The following MYOM1 variants were observed in gnomAD, a reference collection of about 807,000 sequenced individuals.
MYOM1 encodes myomesin-1.
MYOM1 carries 164 observed loss-of-function variants against 205.3 expected under a neutral mutation model. The ratio of observed to expected loss-of-function variants is 0.80; its 90% CI spans 0.70 to 0.91. MYOM1 has a LOEUF of 0.91. MYOM1 is among the 40% of genes least tolerant of loss of function. The pLI, the probability that MYOM1 is intolerant of heterozygous loss-of-function variation, is 0.00. For synonymous variants in MYOM1, 772 were observed against 789.4 expected (o/e 0.98, Z 0.37); for missense variants, 2,011 against 2,127.3 (o/e 0.95, Z 1.08).
intron 22 of MYOM1, among the ~76,000 whole-genome samples, chr18:3,104,745 C>CTTTTTTTTTTT (rs745369627): frequency 1.2e-5 from 1 of 80,586 alleles, no homozygotes. Flanking sequence ...GAATTGGAAT[C>CTTTTTTTTTTT]TTTTTTTTTT....
At chr18:3,150,091 G>A (rs2080195578) in intron 12 of MYOM1, among the ~76,000 whole-genome samples, 1 of 152,032 alleles carries the variant, frequency 6.6e-6, no homozygotes, top group South Asian at 2.1e-4. Context: ...ATGGAGTCTC[G>A]CTCTGTCGCC....
In MYOM1 at chr18:3,083,158, G is replaced by A. The variant is rs1245884434; in HGVS notation, c.4484+631C>T. On this transcript the variant is annotated intron_variant, in intron 33 of 37. Coordinates refer to ENST00000356443, the MANE Select transcript of MYOM1 (RefSeq NM_003803.4). The stretch of plus-strand genomic sequence containing the variant: ...GAGGTGGAGGCTGCATTATAGAGAT[G>A]TCTATGAATTATGGTACTTCTTAAA... Among the ~76,000 whole-genome samples the A allele has an allele frequency of 2.0e-5, 3 of 152,168 alleles. No individual in the cohort carries two copies. The East Asian group carries it at 5.8e-4, about 29-fold the overall frequency.
intron 5 of MYOM1, among the ~76,000 whole-genome samples, chr18:3,182,955 C>T (rs1348985965): frequency 2.0e-5 from 2 of 100,916 alleles, no homozygotes; most frequent in Non-Finnish European, 3.7e-5. Flanking sequence ...GACAGAGTTT[C>T]GCTCTTGTTG....
intron 19 of MYOM1, among the ~76,000 whole-genome samples, chr18:3,126,323 CTT>C (rs139040855): frequency 7.4e-6 from 1 of 135,744 alleles, no homozygotes; most frequent in African/African-American, 2.7e-5. Flanking sequence ...TCCTGGGAAT[CTT>C]TTTTTTTTTT....
At chr18:3,176,278 C>A (rs1409895718) in intron 5 of MYOM1, 144 bp from the exon 6 acceptor site, 5 of 580,694 alleles carry the variant, frequency 8.6e-6, no homozygotes, top group African/African-American at 3.7e-5. Context: ...AAATGTAAAT[C>A]ATATTGGCTT....
intron 33 of MYOM1, among the ~76,000 whole-genome samples, chr18:3,081,934 C>A (rs2079090141): frequency 2.0e-5 from 3 of 152,196 alleles, no homozygotes; most frequent in African/African-American, 7.2e-5. Flanking sequence ...CCCAGTGGTC[C>A]CCAACCTTTT....
intron 18 of MYOM1, among the ~76,000 whole-genome samples, chr18:3,127,339 G>A (rs1207206795): frequency 8.0e-5 from 7 of 87,980 alleles, no homozygotes; most frequent in African/African-American, 1.7e-4. Context: ...CTGGGGTTTT[G>A]CTCTTGTCAC....
rs1390518148 is a variant in MYOM1, at chr18:3,135,148, C to T, written c.2210-324G>A. 1.9e-5 allele frequency: 6 copies of T among 317,220 alleles called. No homozygotes were observed. The highest frequency in any genetic ancestry group is 3.4e-5 in the South Asian group (1 of 29,156). 19.7% of individuals were successfully genotyped at this position (317,220 alleles called of 1,614,324 possible). A position where few individuals can be genotyped will look rare whatever the true frequency, so the allele number is the denominator to read the frequency against. On this transcript the variant is annotated intron_variant, in intron 15 of 37. Transcript: ENST00000356443. The surrounding 1 kb of genome is among the most constrained non-coding windows in gnomAD (Gnocchi z 4.1). ...TGTTTTCAGTAGAGATGGGGTTTCA[C>T]CATGTTGGCCAGGCTGGTCTCAAAC...
Position 3,219,175 on chromosome 18 carries a change from T to C in MYOM1, c.-29+628A>G, listed in dbSNP as rs1357160476. 6.6e-6 allele frequency among the ~76,000 whole-genome samples: 1 copy of C among 152,166 alleles called. No homozygotes were observed. Among genetic ancestry groups the C allele is most frequent in the African/African-American group, 2.4e-5 (1 of 41,446 alleles). ...AATTTAGGAAGAAATACAAATTCCATAGCTGTAATTTATGATACTTTTGTG... is the reference window on the plus strand; with the variant it reads ...AATTTAGGAAGAAATACAAATTCCACAGCTGTAATTTATGATACTTTTGTG... On this transcript the variant is annotated intron_variant, in intron 1 of 37. Coordinates refer to ENST00000356443, the MANE Select transcript of MYOM1 (RefSeq NM_003803.4). This position sits in a 1 kb window ranked among gnomAD's most constrained non-coding sequence, Gnocchi z 4.4.
At chr18:3,069,334 T>C (rs2078934954) in intron 37 of MYOM1, among the ~76,000 whole-genome samples, 1 of 152,230 alleles carries the variant, frequency 6.6e-6, no homozygotes, top group African/African-American at 2.4e-5. Context: ...CATTTTAAAA[T>C]TCCATTCTTG....
chr18:3,194,907 C>A (rs1434591368), intron 2 of MYOM1, among the ~76,000 whole-genome samples: 1 of 95,492 alleles, frequency 1.0e-5, no homozygotes. Context: ...TGAAACTATT[C>A]TTAAAAAAAA....
rs377485518 is a variant in MYOM1 at position 3,188,742 on chromosome 18, T to C, written c.771+6A>G. 2.2e-5 allele frequency: 34 copies of C among 1,557,868 alleles called. No homozygotes were observed. The highest frequency in any genetic ancestry group is 2.6e-5 in the Non-Finnish European group (30 of 1,151,230). ...TTGTAAGTTACTTTAAACTGTCTTT[T>C]CTTACTGTTTTCCTCAGGGACAGGC... On this transcript the variant is annotated splice_donor_region_variant and intron_variant, in intron 4 of 37. Coordinates refer to ENST00000356443, the MANE Select transcript of MYOM1 (RefSeq NM_003803.4).
At chr18:3,088,066 C>T (rs1326455434) in intron 29 of MYOM1, among the ~76,000 whole-genome samples, 2 of 152,128 alleles carry the variant, frequency 1.3e-5, no homozygotes, top group African/African-American at 2.4e-5. Context: ...ATTGGAACGA[C>T]AGCATAACAG....
chr18:3,080,021 T>C (rs2079066462), intron 33 of MYOM1, among the ~76,000 whole-genome samples: 1 of 152,166 alleles, frequency 6.6e-6, no homozygotes, highest in East Asian at 1.9e-4. Context: ...TTTTGTGTGA[T>C]CTTGGTGTAG....
chr18:3,146,742 C>T (rs2080128207), intron 13 of MYOM1, among the ~76,000 whole-genome samples: 1 of 151,854 alleles, frequency 6.6e-6, no homozygotes, highest in Non-Finnish European at 1.5e-5. Flanking sequence ...TTCTATTCAA[C>T]ATTGTACTAA....
Position 3,135,326 on chromosome 18 carries a change from A to G in MYOM1, c.2209+221T>C. On this transcript the variant is annotated intron_variant, in intron 15 of 37. Transcript: ENST00000356443. This position sits in a 1 kb window ranked among gnomAD's most constrained non-coding sequence, Gnocchi z 4.1. ...TAAACTAAATGTCCATGAACTTCAGAAAAAACACATTATCAATATTGTTGA... is the reference window on the plus strand; with the variant it reads ...TAAACTAAATGTCCATGAACTTCAGGAAAAACACATTATCAATATTGTTGA... 2.2e-6 allele frequency: 1 copy of G among 459,684 alleles called. No homozygotes were observed. Among genetic ancestry groups the G allele is most frequent in the Non-Finnish European group, 3.8e-6 (1 of 262,570 alleles). 28.5% of individuals were successfully genotyped at this position (459,684 alleles called of 1,614,324 possible).
the MYOM1 span, among the ~76,000 whole-genome samples, chr18:3,229,243 C>T: frequency 6.6e-6 from 1 of 152,170 alleles, no homozygotes; most frequent in Non-Finnish European, 1.5e-5. Context: ...CCTGGCTATA[C>T]ATTAGTATCA....
intron 8 of MYOM1, among the ~76,000 whole-genome samples, chr18:3,173,680 T>C (rs1209749863): frequency 6.6e-6 from 1 of 151,896 alleles, no homozygotes; most frequent in Non-Finnish European, 1.5e-5. Context: ...CCCAGAAAGA[T>C]GTAAAAACAT....
intron 22 of MYOM1, among the ~76,000 whole-genome samples, chr18:3,106,970 A>G (rs536552215): frequency 3.2e-4 from 48 of 152,350 alleles, no homozygotes; most frequent in Admixed American, 5.9e-4. Context: ...CATAAGCAAT[A>G]TCTGTAGTGG....
Sources: allele counts gnomAD v4.1 joint callset (sites outside exome capture counted in the v4.1 genomes callset), GRCh38; gene constraint gnomAD v4.1.1; non-coding constraint Gnocchi (gnomAD v3.1); transcripts MANE v1.5; gene names NCBI Gene and HGNC (gene_info 2026-07-23, HGNC 2026-07-21).